The following GFOD1 variants were observed in gnomAD, a reference collection of about 807,000 sequenced individuals.
GFOD1 encodes Gfo/Idh/MocA-like oxidoreductase domain containing 1.
In GFOD1, 9 loss-of-function variants were observed where a neutral mutation model predicts 25.4. The observed-to-expected ratio is 0.35, with a 90% confidence interval of 0.21 to 0.62. The LOEUF (loss-of-function observed/expected upper bound fraction) is 0.62, where lower values mean the gene tolerates loss of function less well. Among genes scored for constraint, GFOD1 ranks in the 20% least tolerant of loss-of-function variants. GFOD1 has a pLI of 0.72. For synonymous variants in GFOD1, 253 were observed against 245.6 expected (o/e 1.03, Z -0.28); for missense variants, 403 against 556.9 (o/e 0.72, Z 2.78).
chr6:13,459,323 G>A (rs1425724869), intron 1 of GFOD1, among the ~76,000 whole-genome samples: 1 of 128,014 alleles, frequency 7.8e-6, no homozygotes, highest in African/African-American at 2.7e-5. Flanking sequence ...ACTGAAACTG[G>A]ACCCCTTCCT....
At chr6:13,447,599 G>C (rs992728370) in intron 1 of GFOD1, among the ~76,000 whole-genome samples, 15 of 151,890 alleles carry the variant, frequency 9.9e-5, no homozygotes, top group Admixed American at 3.3e-4. Flanking sequence ...AAGCTAGCCA[G>C]GCATGGTAGT....
At chr6:13,462,632 T>C (rs1758311391) in intron 1 of GFOD1, among the ~76,000 whole-genome samples, 1 of 152,152 alleles carries the variant, frequency 6.6e-6, no homozygotes, top group African/African-American at 2.4e-5. Flanking sequence ...GAGGAGGAAA[T>C]CACCCCTCCC....
chr6:13,473,432 T>C (rs1339989968), intron 1 of GFOD1, among the ~76,000 whole-genome samples: 2 of 152,262 alleles, frequency 1.3e-5, no homozygotes, highest in Admixed American at 1.3e-4. Flanking sequence ...GGCGGCCATT[T>C]GGGCTCCTCT....
intron 1 of GFOD1, among the ~76,000 whole-genome samples, chr6:13,406,321 T>G (rs1365951023): frequency 6.6e-6 from 1 of 152,208 alleles, no homozygotes; most frequent in Non-Finnish European, 1.5e-5. Flanking sequence ...GTTTGCTGTT[T>G]GTTTACCACA....
chr6:13,481,427 G>A (rs1584678072), intron 1 of GFOD1, among the ~76,000 whole-genome samples: 1 of 152,272 alleles, frequency 6.6e-6, no homozygotes, highest in African/African-American at 2.4e-5. Flanking sequence ...GAGTCCAGGA[G>A]TGTGTGAAGC....
intron 1 of GFOD1, among the ~76,000 whole-genome samples, chr6:13,420,762 C>A (rs1418095528): frequency 1.3e-5 from 2 of 152,168 alleles, no homozygotes; most frequent in Non-Finnish European, 2.9e-5. Flanking sequence ...CTGATTTTTT[C>A]CGGGTCTTTG....
rs1784950686 is a variant in GFOD1 at position 13,361,798 on chromosome 6, A to G, written c.*2945T>C. 1.3e-5 allele frequency: 2 copies of G among 152,180 alleles called. No homozygotes were observed. The highest frequency in any genetic ancestry group is 1.3e-4 in the Admixed American group (2 of 15,282). The allele number at this position is 152,180 out of a possible 1,614,324, so 9.4% of individuals were successfully genotyped here. A position where few individuals can be genotyped will look rare whatever the true frequency, so the allele number is the denominator to read the frequency against. The stretch of plus-strand genomic sequence containing the variant: ...TAGATAAAATTTGAGTACACACACT[A>G]AAATATTTTTTCATGCCTCTTTTAA... On this transcript the variant is annotated 3_prime_UTR_variant, in exon 2 of 2. Transcript: ENST00000379287.
rs189512720 is a variant in GFOD1 at position 13,431,514 on chromosome 6, G to A, written c.253+55124C>T. Among the ~76,000 whole-genome samples, 456 of 152,224 alleles carry A rather than the reference G, an allele frequency of 3.0e-3. 2 individuals are homozygous for A. Among genetic ancestry groups the A allele is most frequent in the African/African-American group, 0.01 (432 of 41,530 alleles). On this transcript the variant is annotated intron_variant, in intron 1 of 1. Transcript: ENST00000379287. ...CTGTGATCTTTCTTTAAAGTCATAC[G>A]CTGAAAGAGCCTTCCCTCCAGATAA...
At chr6:13,386,596 C>A (rs964686699) in intron 1 of GFOD1, among the ~76,000 whole-genome samples, 8 of 152,196 alleles carry the variant, frequency 5.3e-5, no homozygotes, top group Admixed American at 5.2e-4. Context: ...AGCTCTGCTC[C>A]CCAACGATCC....
In GFOD1 at chr6:13,486,846, A is replaced by G. The variant is rs1286075789; in HGVS notation, c.45T>C (p.Arg15=). The part of the protein sequence containing the change: ...VGVFGTSLTA[R]VIIPLLKDEG... ...CGTCTTTCAGCAGCGGGATGATGAC[A>G]CGGGCCGTGAGGCTGGTGCCGAACA... The change falls in exon 1 of 2, where the codon CGT becomes CGC. Residue 15 remains arginine, a synonymous_variant. Transcript: ENST00000379287. 1.9e-6 allele frequency: 3 copies of G among 1,612,996 alleles called. No individual in the cohort carries two copies. In the Admixed American group the frequency reaches 5.0e-5, roughly 27 times the overall value.
At chr6:13,390,791 G>A (rs1278416126) in intron 1 of GFOD1, among the ~76,000 whole-genome samples, 2 of 146,796 alleles carry the variant, frequency 1.4e-5, no homozygotes. Flanking sequence ...AAGGAAGGAA[G>A]GAAGGAAGGA....
Position 13,431,396 on chromosome 6 carries a change from C to T in GFOD1, c.253+55242G>A, listed in dbSNP as rs77617691. Among the ~76,000 whole-genome samples, 726 of 152,344 alleles carry T rather than the reference C, an allele frequency of 4.8e-3. 5 individuals are homozygous for T. Among genetic ancestry groups the T allele is most frequent in the African/African-American group, 0.017 (694 of 41,576 alleles). On this transcript the variant is annotated intron_variant, in intron 1 of 1. Transcript: ENST00000379287. Reference sequence around the variant, plus strand: ...CTCCTATTCTTTCTACTCTACCACTCATATTCTCTCCTCGTCCAAAAGGAG... The same window carrying T: ...CTCCTATTCTTTCTACTCTACCACTTATATTCTCTCCTCGTCCAAAAGGAG...
chr6:13,406,153 C>T (rs1288632388), intron 1 of GFOD1, among the ~76,000 whole-genome samples: 1 of 152,156 alleles, frequency 6.6e-6, no homozygotes, highest in African/African-American at 2.4e-5. Context: ...CACAAATGTT[C>T]TCGGAACAAG....
At chr6:13,462,377 C>T (rs1758307391) in intron 1 of GFOD1, among the ~76,000 whole-genome samples, 1 of 152,104 alleles carries the variant, frequency 6.6e-6, no homozygotes. Flanking sequence ...GATTTCTGCC[C>T]CTATTTGTAC....
At chr6:13,413,279 G>A (rs1184947135) in intron 1 of GFOD1, among the ~76,000 whole-genome samples, 1 of 152,168 alleles carries the variant, frequency 6.6e-6, no homozygotes, top group Non-Finnish European at 1.5e-5. Flanking sequence ...AAATCTACCT[G>A]GGGACTGGCA....
intron 1 of GFOD1, among the ~76,000 whole-genome samples, chr6:13,404,682 G>A (rs1198026313): frequency 6.6e-6 from 1 of 152,236 alleles, no homozygotes; most frequent in African/African-American, 2.4e-5. Context: ...GAACTACACA[G>A]TGGAGGCTGC....
At chr6:13,393,121 C>T (rs113488589) in intron 1 of GFOD1, among the ~76,000 whole-genome samples, 1 of 151,708 alleles carries the variant, frequency 6.6e-6, no homozygotes, top group Non-Finnish European at 1.5e-5. Context: ...TTTGGGAGGT[C>T]AAGGTGGGTG....
At position 13,425,536 on chromosome 6, in the gene GFOD1, C is replaced by G. The variant is rs539862618; in HGVS notation, c.254-59874G>C. ...CAAAAATCTATTTGAAAATTGTGAG[C>G]TTGTTAAAGTCCCTCATGGGGTTGC... is the stretch of plus-strand genomic sequence containing the variant. On this transcript the variant is annotated intron_variant, in intron 1 of 1. Transcript: ENST00000379287. Among the ~76,000 whole-genome samples, 7 of 152,270 alleles carry G rather than the reference C, an allele frequency of 4.6e-5. No individual in the cohort carries two copies. In the South Asian group the frequency reaches 1.4e-3, roughly 32 times the overall value.
At chr6:13,421,300 C>G (rs1050294702) in intron 1 of GFOD1, among the ~76,000 whole-genome samples, 2 of 152,028 alleles carry the variant, frequency 1.3e-5, no homozygotes, top group African/African-American at 4.8e-5. Flanking sequence ...CCAGCCTGGG[C>G]AACACGGCAA....
Sources: gnomAD v4.1 joint callset for allele counts (sites outside exome capture counted in the v4.1 genomes callset) on GRCh38, gnomAD v4.1.1 for gene constraint, MANE v1.5 for transcripts, NCBI Gene and HGNC (gene_info 2026-07-23, HGNC 2026-07-21) for gene names.